Variants in COL2A1 observed in about 807,000 individuals in gnomAD.
The protein encoded by COL2A1 is collagen alpha-1(II) chain.
In COL2A1, 28 loss-of-function variants were observed where a neutral mutation model predicts 204.5. The ratio of observed to expected loss-of-function variants is 0.14; its 90% CI spans 0.10 to 0.19. The LOEUF is 0.19. Ranked by LOEUF, COL2A1 falls within the 10% of genes least tolerant of loss-of-function variation. COL2A1 has a pLI of 1.00. For synonymous variants in COL2A1, 708 were observed against 718.7 expected, an observed-to-expected ratio of 0.99 and a Z score of 0.24; for missense variants, 1,388 against 2,027.5, an observed-to-expected ratio of 0.68 and a Z score of 6.06.
At position 47,987,328 on chromosome 12, in the gene COL2A1, A is replaced by G. The variant is rs1467346263; in HGVS notation, c.1222-15T>C. Reference sequence around the variant, plus strand: ...CCAGGGTTACCCTGAAAAGGGAGACATTGTCAAATAAGCAGCAAAGAATGA... The same window carrying G: ...CCAGGGTTACCCTGAAAAGGGAGACGTTGTCAAATAAGCAGCAAAGAATGA... On this transcript the variant is annotated splice_polypyrimidine_tract_variant and intron_variant, in intron 19 of 53. Transcript: ENST00000380518. This position sits in a 1 kb window ranked among gnomAD's most constrained non-coding sequence, Gnocchi z 4.1. 1.9e-6 allele frequency: 3 copies of G among 1,613,940 alleles called. No homozygotes were observed. The highest frequency in any genetic ancestry group is 2.2e-5 in the East Asian group (1 of 44,870).
Position 47,976,518 on chromosome 12 carries a change from G to A in COL2A1, c.3485C>T (p.Pro1162Leu). 1 of 1,614,190 alleles carries A rather than the reference G, an allele frequency of 6.2e-7. No homozygotes were observed. Among genetic ancestry groups the A allele is most frequent in the African/African-American group, 1.3e-5 (1 of 75,058 alleles). The change falls in exon 49 of 54, where the codon CCT becomes CTT. Residue 1162 changes from proline (P) to leucine (L), a missense_variant. Pro to Leu is a moderately conservative substitution (Grantham distance 98). Transcript: ENST00000380518. The surrounding 1 kb of genome is among the most constrained non-coding windows in gnomAD (Gnocchi z 4.3). ...TTCCAACTCCATGTCACTTACTCTA[G>A]GGCCAGAAGGACCAGCAGGACCAGA... ...GASGPAGPSG[P>L]RGPPGPVGPS... is the part of the protein sequence containing the mutation.
At chr12:47,992,544 A>T (rs1939755126) in intron 16 of COL2A1, among the ~76,000 whole-genome samples, 1 of 152,188 alleles carries the variant, frequency 6.6e-6, no homozygotes, top group African/African-American at 2.4e-5. Context: ...AAGAACAGAG[A>T]GTAGCACGGT....
At chr12:47,977,780 A>G in intron 44 of COL2A1, 127 bp from the exon 45 acceptor site, 1 of 1,136,598 alleles carries the variant, frequency 8.8e-7, no homozygotes, top group Non-Finnish European at 1.3e-6. Flanking sequence ...TTTGAAGCCA[A>G]AGTTTCCTCA....
Position 47,982,039 on chromosome 12 carries a change from C to T in COL2A1, c.2355+68G>A, listed in dbSNP as rs79896080. On this transcript the variant is annotated intron_variant, in intron 35 of 53. Coordinates refer to ENST00000380518, the MANE Select transcript of COL2A1 (RefSeq NM_001844.5). ...CCAGTGGCAGACTGCCCAGCCCTCT[C>T]TCCTGCTCTCCTGGGTGCAGGGCTA... is the stretch of plus-strand genomic sequence containing the variant. The T allele has an allele frequency of 0.062, 93,718 of 1,517,362 alleles. 3,392 individuals are homozygous for T. The highest frequency in any genetic ancestry group is 0.073 in the Non-Finnish European group (79,183 of 1,091,772). 94.0% of individuals were successfully genotyped at this position (1,517,362 alleles called of 1,614,324 possible). A position where few individuals can be genotyped will look rare whatever the true frequency, so the allele number is the denominator to read the frequency against.
rs1047421916 is a variant in COL2A1, at chr12:47,985,905, C to G, written c.1581+7G>C. 6.4e-7 allele frequency: 1 copy of G among 1,554,812 alleles called. No homozygotes were observed. Among genetic ancestry groups the G allele is most frequent in the Non-Finnish European group, 8.7e-7 (1 of 1,148,562 alleles). On this transcript the variant is annotated splice_region_variant and intron_variant, in intron 24 of 53. Coordinates refer to ENST00000380518, the MANE Select transcript of COL2A1 (RefSeq NM_001844.5). ...GGAGGGACCCCAGCCCCTCTTCTCC[C>G]ACTCACCTTGGGACCTGCCAGACCA...
chr12:47,992,583 A>G (rs1490206444), intron 16 of COL2A1, among the ~76,000 whole-genome samples: 1 of 152,194 alleles, frequency 6.6e-6, no homozygotes, highest in Non-Finnish European at 1.5e-5. Flanking sequence ...GTCTGTCTGT[A>G]AACTCCAGCT....
At chr12:47,981,928 C>A (rs1208386963) in intron 35 of COL2A1, 99 bp from the exon 36 acceptor site, 5 of 1,351,916 alleles carry the variant, frequency 3.7e-6, no homozygotes, top group Non-Finnish European at 5.3e-6. Context: ...CCCACCGCCT[C>A]CAGAGCTCCC....
chr12:48,002,255 G>C (rs541659919), intron 1 of COL2A1, among the ~76,000 whole-genome samples: 4 of 152,188 alleles, frequency 2.6e-5, no homozygotes, highest in Non-Finnish European at 5.9e-5. Context: ...TTTCGGAGGC[G>C]AGGGCTCTGA....
In COL2A1 at chr12:48,004,271, G is replaced by A. The variant is rs538730273; in HGVS notation, c.51C>T (p.Val17=). ...PQTLVLLTLL[V]AAVLRCQGQD... ...GGCCCTGACACCGAAGGACAGCGGC[G>A]ACGAGCAGCGTCAGCAGCACCAGCG... is the stretch of plus-strand genomic sequence containing the variant. Residue 17 remains valine, a synonymous_variant, in exon 1 of 54, where the codon GTC becomes GTT. Coordinates refer to ENST00000380518, the MANE Select transcript of COL2A1 (RefSeq NM_001844.5). The A allele has an allele frequency of 1.7e-5, 26 of 1,550,370 alleles. No individual in the cohort carries two copies. In the South Asian group the frequency reaches 2.7e-4, roughly 16 times the overall value.
chr12:47,978,629 C>T lies in COL2A1; in HGVS notation c.2863G>A (p.Glu955Lys), dbSNP rs1373299848. The change falls in exon 42 of 54, where the codon GAG (glutamate) becomes AAG (lysine). Residue 955 changes from glutamate to lysine, a missense_variant. Physicochemically the swap from Glu to Lys is moderately conservative, Grantham distance 56. Transcript: ENST00000380518. The surrounding 1 kb of genome is among the most constrained non-coding windows in gnomAD (Gnocchi z 5.5). ...GLQGPAGPPG[E>K]KGEPGDDGPS... Reference sequence around the variant, plus strand: ...CCGTCATCTCCAGGCTCTCCCTTCTCGCCAGGGGGTCCAGCAGGACCTTGG... The same window carrying T: ...CCGTCATCTCCAGGCTCTCCCTTCTTGCCAGGGGGTCCAGCAGGACCTTGG... 1.2e-6 allele frequency: 2 copies of T among 1,613,434 alleles called. No individual in the cohort carries two copies. Among genetic ancestry groups the T allele is most frequent in the East Asian group, 2.2e-5 (1 of 44,896 alleles).
At chr12:47,979,905 C>G (rs1004908307) in intron 40 of COL2A1, 104 bp downstream of exon 40, 9 of 1,077,044 alleles carry the variant, frequency 8.4e-6, no homozygotes, top group Non-Finnish European at 1.2e-5. Flanking sequence ...CAACGCAGGG[C>G]TGGGAAAACA....
At position 47,981,373 on chromosome 12, in the gene COL2A1, A is replaced by T. The variant is rs1441776862; in HGVS notation, c.2433T>A (p.Pro811=). Residue 811 remains proline, a synonymous_variant, in exon 37 of 54, where the codon CCT becomes CCA. Transcript: ENST00000380518. ...GEKGEVGPPG[P]AGSAGARGAP... ...CGCCACGAGCACCAGCACTTCCTGC[A>T]GGACCAGGAGGTCCAACTTCTCCCT... 12 of 1,612,552 alleles carry T rather than the reference A, an allele frequency of 7.4e-6. No individual in the cohort carries two copies. The highest frequency in any genetic ancestry group is 1.3e-5 in the African/African-American group (1 of 74,932).
intron 29 of COL2A1, 111 bp from the exon 30 acceptor site, chr12:47,983,847 G>T (rs559478547): frequency 6.0e-6 from 7 of 1,159,208 alleles, no homozygotes; most frequent in Admixed American, 4.0e-5. Context: ...GCGTCTTCCT[G>T]CACCACTCAG....
Position 47,983,365 on chromosome 12 carries a change from C to A in COL2A1, c.2049+20G>T. On this transcript the variant is annotated intron_variant, in intron 31 of 53. Coordinates refer to ENST00000380518, the MANE Select transcript of COL2A1 (RefSeq NM_001844.5). ...CTTCCCATCTAAACAGGTTGCAGGT[C>A]CAAAGAGCCCCATACTCACCTGGTC... The A allele has an allele frequency of 1.2e-6, 2 of 1,613,586 alleles. No individual in the cohort carries two copies. Among genetic ancestry groups the A allele is most frequent in the South Asian group, 2.2e-5 (2 of 91,034 alleles).
chr12:48,002,334 G>A (rs1046984179), intron 1 of COL2A1, among the ~76,000 whole-genome samples: 6 of 152,206 alleles, frequency 3.9e-5, no homozygotes, highest in Non-Finnish European at 8.8e-5. Context: ...TGGAGAGGAG[G>A]GGTGTGGCCG....
intron 10 of COL2A1, 138 bp from the exon 11 acceptor site, chr12:47,995,446 A>G (rs1205649524): frequency 5.8e-6 from 5 of 863,782 alleles, no homozygotes; most frequent in South Asian, 2.8e-5. Context: ...GCAAAGGTGC[A>G]GAGATCATAG....
chr12:47,987,735 T>TGAAGAA lies in COL2A1; in HGVS notation c.1123-32_1123-27dup. ...CTGGGAAGAGACAGGGAGGATGAAA[T>TGAAGAA]GAAGAAGAAGAGAGGGGACACAGAC... On this transcript the variant is annotated intron_variant, in intron 18 of 53. Coordinates refer to ENST00000380518, the MANE Select transcript of COL2A1 (RefSeq NM_001844.5). The surrounding 1 kb of genome is among the most constrained non-coding windows in gnomAD (Gnocchi z 4.1). 1 of 1,577,394 alleles carries TGAAGAA rather than the reference T, an allele frequency of 6.3e-7. No individual in the cohort carries two copies. Among genetic ancestry groups the TGAAGAA allele is most frequent in the Admixed American group, 1.7e-5 (1 of 58,462 alleles).
rs756676390 is a variant in COL2A1, at chr12:47,977,647, G to A, written c.3118C>T (p.Pro1040Ser). Residue 1040 changes from proline to serine, a missense_variant, in exon 45 of 54, where the codon CCC becomes TCC. Physicochemically the swap from Pro to Ser is moderately conservative, Grantham distance 74. Around this residue, in one of 3 missense-constraint regions of COL2A1, gnomAD observed 884 missense variants for 1,415.8 expected, o/e 0.62. Transcript: ENST00000380518. ...PAGEPGREGS[P>S]GADGPPGRDG... is the part of the protein sequence containing the mutation. ...CTGCCAGGGGGGCCATCAGCACCGG[G>A]GCTTCCCTGGACAAAGTGAAACAAG... The A allele has an allele frequency of 1.9e-6, 3 of 1,614,068 alleles. No individual in the cohort carries two copies. The highest frequency in any genetic ancestry group is 2.5e-6 in the Non-Finnish European group (3 of 1,179,996).
chr12:47,982,660 A>AC lies in COL2A1; in HGVS notation c.2194-52dup, dbSNP rs3842680. 628,134 of 1,388,282 alleles carry AC rather than the reference A, an allele frequency of 0.45. 146,490 individuals carry two copies. The highest frequency in any genetic ancestry group is 0.57 in the East Asian group (24,202 of 42,544). The allele number at this position is 1,388,282 out of a possible 1,614,324, so 86.0% of individuals were successfully genotyped here. ...TGTAGTGGACAGCACCTCTCCCTGA[A>AC]CCCATGTTCATGGAGCCTGGGTAAC... On this transcript the variant is annotated intron_variant, in intron 33 of 53. Coordinates refer to ENST00000380518, the MANE Select transcript of COL2A1 (RefSeq NM_001844.5).
Sources: gnomAD v4.1 joint callset for allele counts (sites outside exome capture counted in the v4.1 genomes callset) on GRCh38, gnomAD v4.1.1 for gene constraint, gnomAD v4.1.1 regional missense constraint, Gnocchi (gnomAD v3.1) non-coding constraint, MANE v1.5 for transcripts, NCBI Gene and HGNC (gene_info 2026-07-23, HGNC 2026-07-21) for gene names.